SLC16A7: variants seen among roughly 807,000 people sequenced by gnomAD.
SLC16A7 encodes solute carrier family 16 member 7.
In SLC16A7, 33 loss-of-function variants were observed where a neutral mutation model predicts 34.9. That is an observed-to-expected ratio of 0.94 (90% CI 0.72 to 1.26). The LOEUF is 1.26. Among genes scored for constraint, SLC16A7 ranks in the 50% most tolerant of loss-of-function variants. The pLI, the probability that SLC16A7 is intolerant of heterozygous loss-of-function variation, is 0.00. For synonymous variants in SLC16A7, 201 were observed against 206.6 expected (o/e 0.97, Z 0.23); for missense variants, 573 against 578.1 (o/e 0.99, Z 0.09).
intron 4 of SLC16A7, 37 bp downstream of exon 4, chr12:59,771,399 C>G: frequency 1.4e-6 from 2 of 1,416,656 alleles, no homozygotes; most frequent in Non-Finnish European, 1.9e-6. Flanking sequence ...CTTAACTCTT[C>G]TGTTATTTTC....
intron 2 of SLC16A7, among the ~76,000 whole-genome samples, chr12:59,699,382 C>A (rs1872641690): frequency 6.6e-6 from 1 of 151,550 alleles, no homozygotes; most frequent in South Asian, 2.1e-4. Context: ...TCACAGAATG[C>A]AAATTAAAAC....
rs1880680796 is a variant in SLC16A7, at chr12:59,641,416, C to T, written c.-129-13736C>T. 2.0e-5 allele frequency among the ~76,000 whole-genome samples: 3 copies of T among 152,008 alleles called. No individual in the cohort carries two copies. The South Asian group carries it at 6.2e-4, about 31-fold the overall frequency. On this transcript the variant is annotated intron_variant, in intron 1 of 5. Transcript: ENST00000547379. ...ATTCAAAAACAATTCTTACAGCCTACTTTGCTTTTGATGGGGTTACCATGC... is the reference window on the plus strand; with the variant it reads ...ATTCAAAAACAATTCTTACAGCCTATTTTGCTTTTGATGGGGTTACCATGC...
intron 3 of SLC16A7, among the ~76,000 whole-genome samples, chr12:59,754,182 T>C (rs1879977227): frequency 6.6e-6 from 1 of 152,024 alleles, no homozygotes; most frequent in Admixed American, 6.5e-5. Context: ...CACCCTAACA[T>C]ATCAATTAAA....
intron 2 of SLC16A7, among the ~76,000 whole-genome samples, chr12:59,660,703 T>G (rs951167011): frequency 4.6e-5 from 7 of 151,982 alleles, no homozygotes; most frequent in African/African-American, 1.7e-4. Flanking sequence ...AGTGAGACCC[T>G]GTCACAAAAT....
At chr12:59,719,792 A>G in intron 3 of SLC16A7, 1 of 306,992 alleles carries the variant, frequency 3.3e-6, no homozygotes, top group Non-Finnish European at 5.9e-6. Flanking sequence ...TGCAAATTGG[A>G]GCAAATGCTG....
At chr12:59,770,911 G>T (rs1882158963) in intron 3 of SLC16A7, among the ~76,000 whole-genome samples, 2 of 151,940 alleles carry the variant, frequency 1.3e-5, no homozygotes, top group South Asian at 2.1e-4. Context: ...AGATGTTTTG[G>T]ATATTTTAGG....
rs1300168321 is a variant in SLC16A7, at chr12:59,783,805, C to A, written c.*4126C>A. On this transcript the variant is annotated 3_prime_UTR_variant, in exon 6 of 6. Transcript: ENST00000547379. The stretch of plus-strand genomic sequence containing the variant: ...TAACTGGAATTACAGGCATGTGCCA[C>A]CATGCCCGGCTAATTTTGTGGCTTT... 1 of 152,362 alleles carries A rather than the reference C, an allele frequency of 6.6e-6. No homozygotes were observed. Among genetic ancestry groups the A allele is most frequent in the Non-Finnish European group, 1.5e-5 (1 of 68,260 alleles). 9.4% of individuals were successfully genotyped at this position (152,362 alleles called of 1,614,324 possible).
At chr12:59,637,810 A>G (rs1386475397) in intron 1 of SLC16A7, among the ~76,000 whole-genome samples, 1 of 152,156 alleles carries the variant, frequency 6.6e-6, no homozygotes, top group Admixed American at 6.5e-5. Flanking sequence ...CTCTGCCTTC[A>G]TAAGTGGATT....
At chr12:59,623,380 G>T (rs912949338) in intron 1 of SLC16A7, among the ~76,000 whole-genome samples, 5 of 151,538 alleles carry the variant, frequency 3.3e-5, no homozygotes, top group African/African-American at 1.2e-4. Context: ...TTTCAAATTT[G>T]GGGAGAATTG....
At chr12:59,689,825 T>C (rs1043531670) in intron 2 of SLC16A7, among the ~76,000 whole-genome samples, 3 of 152,004 alleles carry the variant, frequency 2.0e-5, no homozygotes, top group Admixed American at 6.6e-5. Context: ...AATTCTGTTT[T>C]TTTCCTAAGT....
chr12:59,757,498 T>G (rs956934542), intron 3 of SLC16A7, among the ~76,000 whole-genome samples: 1 of 152,148 alleles, frequency 6.6e-6, no homozygotes, highest in Non-Finnish European at 1.5e-5. Context: ...ATTTTTTTCA[T>G]GACTTGCACT....
chr12:59,779,927 G>T lies in SLC16A7; in HGVS notation c.*248G>T. 3.0e-6 allele frequency: 1 copy of T among 337,968 alleles called. No homozygotes were observed. Among genetic ancestry groups the T allele is most frequent in the Non-Finnish European group, 5.4e-6 (1 of 184,444 alleles). 20.9% of individuals were successfully genotyped at this position (337,968 alleles called of 1,614,324 possible). On this transcript the variant is annotated 3_prime_UTR_variant, in exon 6 of 6. Transcript: ENST00000547379. ...AGGTTTATTTCCATACCTGACTCTG[G>T]GTGTGGTGGTTAAAATACTAATTTT...
At chr12:59,690,951 T>G (rs76449521) in intron 2 of SLC16A7, among the ~76,000 whole-genome samples, 3,486 of 152,018 alleles carry the variant, frequency 0.023, 63 homozygotes, top group South Asian at 0.053. Context: ...ATAAGAAAAT[T>G]TTATATTTAA....
rs1430284210 is a variant in SLC16A7 at position 59,762,193 on chromosome 12, T to A, written c.218-9026T>A. On this transcript the variant is annotated intron_variant, in intron 3 of 5. Transcript: ENST00000547379. Reference sequence around the variant, plus strand: ...CTAAGTTGTTCTGTTTTTCACCTGCTATTTGAGAAATTTTTTACAATTTTC... The same window carrying A: ...CTAAGTTGTTCTGTTTTTCACCTGCAATTTGAGAAATTTTTTACAATTTTC... 3.9e-5 allele frequency among the ~76,000 whole-genome samples: 6 copies of A among 152,124 alleles called. No homozygotes were observed. In the East Asian group the frequency reaches 9.7e-4, roughly 24 times the overall value.
At chr12:59,715,198 C>T (rs936804439) in intron 3 of SLC16A7, among the ~76,000 whole-genome samples, 4 of 152,100 alleles carry the variant, frequency 2.6e-5, no homozygotes, top group African/African-American at 9.7e-5. Flanking sequence ...TACCAAATTG[C>T]TGCTTCTAGG....
At chr12:59,653,531 A>G (rs1440770800) in intron 1 of SLC16A7, among the ~76,000 whole-genome samples, 1 of 151,630 alleles carries the variant, frequency 6.6e-6, no homozygotes, top group East Asian at 1.9e-4. Flanking sequence ...TATTTAGTAT[A>G]TAAATTTTAG....
chr12:59,674,403 G>C lies in SLC16A7; in HGVS notation c.-31+19153G>C, dbSNP rs138758095. ...TTTGTGAATTAAATGATAGAAAGAG[G>C]CTTTCTTCTTCTCACAAAACTTTGT... is the stretch of plus-strand genomic sequence containing the variant. On this transcript the variant is annotated intron_variant, in intron 2 of 5. Transcript: ENST00000547379. Among the ~76,000 whole-genome samples the C allele has an allele frequency of 5.2e-3, 797 of 152,230 alleles. 6 individuals carry two copies. The highest frequency in any genetic ancestry group is 0.012 in the South Asian group (57 of 4,826).
rs1186135746 is a variant in SLC16A7, at chr12:59,775,354, T to C, written c.1059T>C (p.Ser353=). The change falls in exon 5 of 6, where the codon AGT becomes AGC. Residue 353 remains serine (S), a synonymous_variant. Coordinates refer to ENST00000547379, the MANE Select transcript of SLC16A7 (RefSeq NM_001270623.2). ...YAVFFGLGFG[S]VSSVLFETLM... ...TATTTTTTGGCCTTGGATTTGGGAG[T>C]GTTAGCAGTGTTCTCTTTGAAACTC... 6.2e-7 allele frequency: 1 copy of C among 1,614,034 alleles called. No homozygotes were observed. Among genetic ancestry groups the C allele is most frequent in the South Asian group, 1.1e-5 (1 of 91,080 alleles).
chr12:59,657,572 A>G (rs528454977), intron 2 of SLC16A7, among the ~76,000 whole-genome samples: 99 of 152,126 alleles, frequency 6.5e-4, no homozygotes, highest in Non-Finnish European at 1.2e-3. Flanking sequence ...TCTTAAATGG[A>G]TACATAGAAA....
Sources: gnomAD v4.1 joint callset for allele counts (sites outside exome capture counted in the v4.1 genomes callset) on GRCh38, gnomAD v4.1.1 for gene constraint, MANE v1.5 for transcripts, NCBI Gene and HGNC (gene_info 2026-07-23, HGNC 2026-07-21) for gene names.